Variants in UNC13C observed in about 807,000 individuals in gnomAD.
UNC13C encodes the protein unc-13 homolog C.
A neutral mutation model predicts 245.4 loss-of-function variants in UNC13C; 174 were observed. The observed-to-expected ratio is 0.71, with a 90% CI of 0.63 to 0.80. The LOEUF (loss-of-function observed/expected upper bound fraction) is 0.80, where lower values mean the gene tolerates loss of function less well. UNC13C is among the 30% of genes least tolerant of loss of function. The pLI, the probability that UNC13C is intolerant of heterozygous loss-of-function variation, is 0.00. For synonymous variants in UNC13C, 992 were observed against 895.1 expected, an observed-to-expected ratio of 1.11 and a Z score of -1.93; for missense variants, 2,829 against 2,602.9, an observed-to-expected ratio of 1.09 and a Z score of -1.89.
At chr15:54,395,713 A>G (rs1266747166) in intron 18 of UNC13C, among the ~76,000 whole-genome samples, 1 of 151,872 alleles carries the variant, frequency 6.6e-6, no homozygotes, top group African/African-American at 2.4e-5. Context: ...TGTTATCATG[A>G]GTTTGAGAAA....
chr15:53,938,260 G>A, the UNC13C span, among the ~76,000 whole-genome samples: 1 of 151,910 alleles, frequency 6.6e-6, no homozygotes, highest in Non-Finnish European at 1.5e-5. Flanking sequence ...AACCAATAAA[G>A]ATAAAAAAAG....
intron 4 of UNC13C, among the ~76,000 whole-genome samples, chr15:54,186,616 A>C (rs721679): frequency 0.11 from 16,131 of 151,878 alleles, 1,453 homozygotes; most frequent in African/African-American, 0.24. Flanking sequence ...TATAACAGAA[A>C]AAAATCCACC....
At chr15:54,416,439 T>C (rs1314277188) in intron 19 of UNC13C, among the ~76,000 whole-genome samples, 2 of 152,158 alleles carry the variant, frequency 1.3e-5, no homozygotes, top group Non-Finnish European at 2.9e-5. Context: ...GTTTATCTAA[T>C]CTTTAAAATC....
At chr15:54,389,388 G>A (rs2140911260) in intron 17 of UNC13C, among the ~76,000 whole-genome samples, 2 of 152,330 alleles carry the variant, frequency 1.3e-5, no homozygotes, top group African/African-American at 4.8e-5. Context: ...CAGGAACCAT[G>A]GGTCCCAGGA....
chr15:54,212,637 T>C (rs910855073), intron 4 of UNC13C, among the ~76,000 whole-genome samples: 2 of 152,078 alleles, frequency 1.3e-5, no homozygotes, highest in African/African-American at 4.8e-5. Context: ...TTTTTCTCCC[T>C]TCTTCTCCCT....
rs568203439 is a variant in UNC13C at position 54,470,627 on chromosome 15, C to A, written c.4934-23981C>A. Among the ~76,000 whole-genome samples the A allele has an allele frequency of 9.2e-3, 1,394 of 151,100 alleles. 9 individuals are homozygous for A. Among genetic ancestry groups the A allele is most frequent in the Non-Finnish European group, 0.016 (1,075 of 67,402 alleles). On this transcript the variant is annotated intron_variant, in intron 19 of 32. Coordinates refer to ENST00000260323, the MANE Select transcript of UNC13C (RefSeq NM_001080534.3). ...TTATGATTTTATTTATTTGAGCCTT[C>A]TCTCTTTTTTCTTAGTCTAAGAAAA...
At chr15:54,180,678 A>T (rs918174530) in intron 4 of UNC13C, among the ~76,000 whole-genome samples, 1 of 151,834 alleles carries the variant, frequency 6.6e-6, no homozygotes, top group Admixed American at 6.6e-5. Context: ...TTGACTTTTT[A>T]ATAGCCATTC....
intron 2 of UNC13C, among the ~76,000 whole-genome samples, chr15:54,124,610 T>C (rs548245752): frequency 6.6e-6 from 1 of 151,872 alleles, no homozygotes; most frequent in African/African-American, 2.4e-5. Flanking sequence ...ACAAGGTCTT[T>C]CTAAGAACAA....
intron 30 of UNC13C, among the ~76,000 whole-genome samples, chr15:54,569,392 G>A (rs1897653436): frequency 6.6e-6 from 1 of 151,642 alleles, no homozygotes; most frequent in Non-Finnish European, 1.5e-5. Context: ...TCTAGAGTAT[G>A]TAGAATATGA....
intron 17 of UNC13C, among the ~76,000 whole-genome samples, chr15:54,366,157 A>G (rs187695506): frequency 1.3e-5 from 2 of 152,282 alleles, no homozygotes; most frequent in Admixed American, 1.3e-4. Context: ...TTTTTATTTC[A>G]AAAGCATCGT....
chr15:54,393,561 A>G (rs907008630), intron 18 of UNC13C, among the ~76,000 whole-genome samples: 2 of 151,894 alleles, frequency 1.3e-5, no homozygotes, highest in Non-Finnish European at 2.9e-5. Flanking sequence ...CTTTTTAATA[A>G]TAAAGATTTG....
the UNC13C span, among the ~76,000 whole-genome samples, chr15:53,899,704 A>G: frequency 6.6e-6 from 1 of 151,962 alleles, no homozygotes; most frequent in Non-Finnish European, 1.5e-5. Context: ...GGCTGCTATT[A>G]CAGGCATGCG....
In UNC13C at chr15:54,289,393, C is replaced by T. The variant is rs553286741; in HGVS notation, c.3819-4502C>T. Among the ~76,000 whole-genome samples, 68 of 152,114 alleles carry T rather than the reference C, an allele frequency of 4.5e-4. 1 individual carries two copies. The highest frequency in any genetic ancestry group is 1.6e-3 in the African/African-American group (66 of 41,504). ...AAGTTTATAGTGAGCAAGATTTGAC[C>T]AGCTGTTTTGCAATTGCGTATCAAA... On this transcript the variant is annotated intron_variant, in intron 10 of 32. Coordinates refer to ENST00000260323, the MANE Select transcript of UNC13C (RefSeq NM_001080534.3).
chr15:54,585,875 A>G (rs1898464713), intron 30 of UNC13C, among the ~76,000 whole-genome samples: 2 of 152,174 alleles, frequency 1.3e-5, no homozygotes, highest in Admixed American at 1.3e-4. Context: ...TTGTCAAACA[A>G]CTTTCATCCT....
chr15:54,068,084 G>T (rs1235632713), intron 2 of UNC13C, among the ~76,000 whole-genome samples: 1 of 152,092 alleles, frequency 6.6e-6, no homozygotes, highest in Non-Finnish European at 1.5e-5. Context: ...ACCTACATTG[G>T]TGACTGATTT....
chr15:54,197,021 A>G (rs1208572724), intron 4 of UNC13C, among the ~76,000 whole-genome samples: 1 of 152,128 alleles, frequency 6.6e-6, no homozygotes, highest in South Asian at 2.1e-4. Context: ...ACAAACCTGT[A>G]CGTTGTGCCC....
At chr15:54,413,394 G>A (rs2040452605) in intron 18 of UNC13C, among the ~76,000 whole-genome samples, 1 of 151,976 alleles carries the variant, frequency 6.6e-6, no homozygotes, top group African/African-American at 2.4e-5. Flanking sequence ...TAATTTTGAT[G>A]CCGCATATTA....
chr15:54,122,817 G>A (rs148685146), intron 2 of UNC13C, among the ~76,000 whole-genome samples: 3 of 152,086 alleles, frequency 2.0e-5, no homozygotes, highest in African/African-American at 4.8e-5. Flanking sequence ...TATATTTCTT[G>A]TTGTTTGGAT....
intron 4 of UNC13C, among the ~76,000 whole-genome samples, chr15:54,148,590 A>G (rs1232866928): frequency 6.6e-6 from 1 of 152,176 alleles, no homozygotes; most frequent in Non-Finnish European, 1.5e-5. Context: ...CTTAGCATAG[A>G]AGATAAAGTT....
Sources: allele counts gnomAD v4.1 joint callset (sites outside exome capture counted in the v4.1 genomes callset), GRCh38; gene constraint gnomAD v4.1.1; transcripts MANE v1.5; gene names NCBI Gene and HGNC (gene_info 2026-07-23, HGNC 2026-07-21).